Variants in ANO4 observed in about 807,000 individuals in gnomAD.
ANO4 encodes the protein anoctamin 4.
Under a neutral mutation model 141.9 loss-of-function variants are expected in ANO4, and 69 were observed. The observed-to-expected ratio is 0.49, with a 90% CI of 0.40 to 0.59. The LOEUF is 0.59. Among genes scored for constraint, ANO4 ranks in the 20% least tolerant of loss-of-function variants. The pLI is 0.00. For synonymous variants in ANO4, 350 were observed against 394.3 expected (o/e 0.89, Z 1.33); for missense variants, 894 against 1,162.2 (o/e 0.77, Z 3.36).
intron 1 of ANO4, among the ~76,000 whole-genome samples, chr12:100,851,515 A>G (rs1330062304): frequency 1.3e-5 from 2 of 152,122 alleles, no homozygotes; most frequent in Non-Finnish European, 2.9e-5. Context: ...TAAATTTAAG[A>G]ATTTATTTAT....
intron 1 of ANO4, among the ~76,000 whole-genome samples, chr12:100,818,579 G>A (rs1441003169): frequency 1.3e-5 from 2 of 151,882 alleles, no homozygotes; most frequent in Non-Finnish European, 2.9e-5. Flanking sequence ...ATAATAGAAT[G>A]TTTAATGGGA....
chr12:100,906,201 T>C (rs979251154), intron 2 of ANO4, among the ~76,000 whole-genome samples: 1 of 151,816 alleles, frequency 6.6e-6, no homozygotes. Context: ...GCAAAGGAAG[T>C]AGGAAAGAGA....
chr12:100,723,303 T>C (rs1056601387), intron 1 of ANO4, among the ~76,000 whole-genome samples: 1 of 152,180 alleles, frequency 6.6e-6, no homozygotes, highest in Non-Finnish European at 1.5e-5. Context: ...AGACATTTAT[T>C]TCTCATAGTT....
chr12:100,813,716 G>A (rs76473278), intron 1 of ANO4, among the ~76,000 whole-genome samples: 2,404 of 152,266 alleles, frequency 0.016, 73 homozygotes, highest in African/African-American at 0.055. Context: ...TGATAAAAAG[G>A]AGCTTGAGCT....
intron 5 of ANO4, among the ~76,000 whole-genome samples, chr12:100,966,884 T>TAC (rs139462317): frequency 0.15 from 22,259 of 147,376 alleles, 2,516 homozygotes; most frequent in African/African-American, 0.32. Flanking sequence ...CACACACACA[T>TAC]ACACACACAC....
intron 1 of ANO4, among the ~76,000 whole-genome samples, chr12:100,871,823 G>C (rs2039050987): frequency 6.6e-6 from 1 of 152,032 alleles, no homozygotes; most frequent in Non-Finnish European, 1.5e-5. Context: ...TTTGGGGTGG[G>C]GGCTCTGCAC....
chr12:100,929,029 A>T (rs1310553340), intron 3 of ANO4, among the ~76,000 whole-genome samples: 1 of 152,016 alleles, frequency 6.6e-6, no homozygotes, highest in Non-Finnish European at 1.5e-5. Flanking sequence ...GGGTACATGA[A>T]ATATTTTGAT....
At chr12:101,056,535 T>C (rs1219230200) in intron 14 of ANO4, among the ~76,000 whole-genome samples, 2 of 152,146 alleles carry the variant, frequency 1.3e-5, no homozygotes, top group African/African-American at 4.8e-5. Flanking sequence ...AAGAAATTTA[T>C]AAAATAAATA....
chr12:100,979,042 C>T (rs1592907796), intron 7 of ANO4, among the ~76,000 whole-genome samples: 1 of 151,932 alleles, frequency 6.6e-6, no homozygotes, highest in Admixed American at 6.6e-5. Context: ...GAGAAGAGCG[C>T]CTGTGGCAGT....
intron 9 of ANO4, among the ~76,000 whole-genome samples, chr12:101,023,771 G>A (rs560441): frequency 0.15 from 23,187 of 152,142 alleles, 2,100 homozygotes; most frequent in East Asian, 0.24. Context: ...CCACAACCAA[G>A]CATTATGCTG....
At chr12:100,987,887 A>G (rs1223169767) in intron 8 of ANO4, among the ~76,000 whole-genome samples, 1 of 152,100 alleles carries the variant, frequency 6.6e-6, no homozygotes, top group Non-Finnish European at 1.5e-5. Flanking sequence ...AAGATGATAC[A>G]ATGCTTGCTC....
chr12:101,005,136 C>T (rs2045819845), intron 8 of ANO4, among the ~76,000 whole-genome samples: 1 of 152,152 alleles, frequency 6.6e-6, no homozygotes, highest in South Asian at 2.1e-4. Flanking sequence ...GAATAATAAA[C>T]TTATGCAGGG....
intron 22 of ANO4, among the ~76,000 whole-genome samples, chr12:101,099,926 C>T (rs2050128698): frequency 6.6e-6 from 1 of 152,172 alleles, no homozygotes. Context: ...AGCTATTTCT[C>T]TTAGCACGTA....
Position 101,097,887 on chromosome 12 carries a change from A to T in ANO4, c.1948A>T (p.Met650Leu), listed in dbSNP as rs1198101335. ...ATGCCTTATTGATCTGTGTATGCAAATGGGTATTATAATGGTGCTAAAGCA... is the reference window on the plus strand; with the variant it reads ...ATGCCTTATTGATCTGTGTATGCAATTGGGTATTATAATGGTGCTAAAGCA... ...SGCLIDLCMQ[M>L]GIIMVLKQTW... is the part of the protein sequence containing the mutation. The change falls in exon 21 of 28, where the codon ATG becomes TTG. Residue 650 changes from methionine to leucine, a missense_variant. Met to Leu is a conservative substitution (Grantham distance 15). Transcript: ENST00000392977. 6.2e-7 allele frequency: 1 copy of T among 1,613,838 alleles called. No homozygotes were observed. The highest frequency in any genetic ancestry group is 1.1e-5 in the South Asian group (1 of 91,066).
At chr12:101,075,054 C>G (rs930551331) in intron 14 of ANO4, among the ~76,000 whole-genome samples, 2 of 152,008 alleles carry the variant, frequency 1.3e-5, no homozygotes, top group African/African-American at 4.8e-5. Flanking sequence ...TAGCGCTGAC[C>G]TAGAGTTGTG....
intron 2 of ANO4, among the ~76,000 whole-genome samples, chr12:100,736,159 C>T (rs992420069): frequency 1.1e-4 from 16 of 152,018 alleles, no homozygotes; most frequent in Admixed American, 3.3e-4. Context: ...ATGGGAGCCA[C>T]GTTGCAGAGC....
chr12:100,998,798 T>C (rs1033602234), intron 8 of ANO4, among the ~76,000 whole-genome samples: 2 of 152,164 alleles, frequency 1.3e-5, no homozygotes, highest in African/African-American at 2.4e-5. Flanking sequence ...AGGAGGCCCC[T>C]CTCAAAACTC....
chr12:101,124,498 CT>C (rs1314610181), intron 26 of ANO4, among the ~76,000 whole-genome samples: 1 of 151,982 alleles, frequency 6.6e-6, no homozygotes, highest in Non-Finnish European at 1.5e-5. Context: ...TCAATTTTTT[CT>C]TTTGTTGCAA....
intron 5 of ANO4, among the ~76,000 whole-genome samples, chr12:100,948,474 T>G (rs2136196996): frequency 6.6e-6 from 1 of 152,304 alleles, no homozygotes; most frequent in Middle Eastern, 3.4e-3. Flanking sequence ...TTTTTCCTAA[T>G]TTTTACTTTT....
Sources: allele counts gnomAD v4.1 joint callset (sites outside exome capture counted in the v4.1 genomes callset), GRCh38; gene constraint gnomAD v4.1.1; transcripts MANE v1.5; gene names NCBI Gene and HGNC (gene_info 2026-07-23, HGNC 2026-07-21).